THADA: variants seen among roughly 807,000 people sequenced by gnomAD.
THADA encodes the protein tRNA (32-2'-O)-methyltransferase regulator THADA.
Under a neutral mutation model 219.8 loss-of-function variants are expected in THADA, and 213 were observed. The observed-to-expected ratio is 0.97, with a 90% CI of 0.87 to 1.09. The LOEUF (loss-of-function observed/expected upper bound fraction) is 1.09. THADA is among the 50% of genes least tolerant of loss of function. THADA has a pLI of 0.00. For synonymous variants in THADA, 1,018 were observed against 828.9 expected, an observed-to-expected ratio of 1.23 and a Z score of -3.92; for missense variants, 2,956 against 2,311.3, an observed-to-expected ratio of 1.28 and a Z score of -5.72.
chr2:43,347,450 T>G (rs1319053715), intron 29 of THADA, among the ~76,000 whole-genome samples: 1 of 152,242 alleles, frequency 6.6e-6, no homozygotes, highest in South Asian at 2.1e-4. Flanking sequence ...CTTGCCAGAA[T>G]CGAGGGAAGG....
chr2:43,308,289 TA>T (rs915446294), intron 31 of THADA, among the ~76,000 whole-genome samples: 7 of 150,754 alleles, frequency 4.6e-5, no homozygotes, highest in African/African-American at 1.2e-4. Flanking sequence ...TAAAACAGAT[TA>T]AAAAAAAAGA....
chr2:43,352,176 C>T (rs1653061657), intron 29 of THADA, among the ~76,000 whole-genome samples: 1 of 152,072 alleles, frequency 6.6e-6, no homozygotes. Context: ...ATTTATCTTG[C>T]TTATATATCT....
chr2:43,400,771 C>T (rs1674735599), intron 28 of THADA, among the ~76,000 whole-genome samples: 1 of 152,186 alleles, frequency 6.6e-6, no homozygotes. Flanking sequence ...CAAGTTTTTA[C>T]AGTGCACTGT....
chr2:43,272,087 T>C (rs953868338), intron 36 of THADA, among the ~76,000 whole-genome samples: 3 of 152,018 alleles, frequency 2.0e-5, no homozygotes, highest in Non-Finnish European at 4.4e-5. Context: ...TGGAATGATA[T>C]GAAGGAGTCA....
At chr2:43,437,769 T>C (rs72881035) in intron 26 of THADA, among the ~76,000 whole-genome samples, 3,979 of 152,258 alleles carry the variant, frequency 0.026, 62 homozygotes, top group African/African-American at 0.049. Context: ...TTGGAAGATA[T>C]AGTGTCTCCC....
chr2:43,280,501 G>A (rs1458202286), intron 35 of THADA, among the ~76,000 whole-genome samples: 1 of 152,026 alleles, frequency 6.6e-6, no homozygotes, highest in African/African-American at 2.4e-5. Context: ...GCGTGGTGAC[G>A]GGCGCCTGTA....
chr2:43,296,130 G>A lies in THADA; in HGVS notation c.4439-2917C>T, dbSNP rs570562813. On this transcript the variant is annotated intron_variant, in intron 31 of 37. Coordinates refer to ENST00000405975, the MANE Select transcript of THADA (RefSeq NM_022065.5). ...AGACAGGGTTTTGCCATGCTGGACA[G>A]GCTGGTTTCGAACTCCTGACCTCGT... 2.0e-5 allele frequency among the ~76,000 whole-genome samples: 3 copies of A among 152,066 alleles called. No individual in the cohort carries two copies. In the South Asian group the frequency reaches 6.2e-4, roughly 32 times the overall value.
rs183000379 is a variant in THADA, at chr2:43,538,207, T to C, written c.3264+2952A>G. Reference sequence around the variant, plus strand: ...GCCCATGAAAAGAGAACCAACAAAATATAACAAGCAAAAGCTCTACATCAG... The same window carrying C: ...GCCCATGAAAAGAGAACCAACAAAACATAACAAGCAAAAGCTCTACATCAG... On this transcript the variant is annotated intron_variant, in intron 21 of 37. Transcript: ENST00000405975. 3.6e-3 allele frequency among the ~76,000 whole-genome samples: 551 copies of C among 152,208 alleles called. 2 individuals are homozygous for C. The highest frequency in any genetic ancestry group is 0.013 in the African/African-American group (523 of 41,512).
chr2:43,433,267 C>T (rs1679612127), intron 26 of THADA, among the ~76,000 whole-genome samples: 1 of 151,790 alleles, frequency 6.6e-6, no homozygotes, highest in Admixed American at 6.6e-5. Flanking sequence ...TGGTGGCTCA[C>T]ACCTGTAATC....
intron 36 of THADA, among the ~76,000 whole-genome samples, chr2:43,265,555 C>T (rs1210152413): frequency 6.6e-6 from 1 of 152,136 alleles, no homozygotes; most frequent in Non-Finnish European, 1.5e-5. Context: ...TCCTGTATCC[C>T]CCACGGAGTT....
At chr2:43,441,708 T>C (rs545950730) in intron 26 of THADA, among the ~76,000 whole-genome samples, 45 of 152,308 alleles carry the variant, frequency 3.0e-4, no homozygotes, top group African/African-American at 9.6e-4. Context: ...AAGAATTTCA[T>C]AGGTTTTGGA....
intron 36 of THADA, among the ~76,000 whole-genome samples, chr2:43,244,956 C>T (rs527982694): frequency 6.6e-6 from 1 of 152,298 alleles, no homozygotes; most frequent in Admixed American, 6.5e-5. Context: ...GAGCCAGTGA[C>T]GGAGGCTTCC....
chr2:43,446,582 C>T (rs1681586236), intron 26 of THADA, among the ~76,000 whole-genome samples: 1 of 152,212 alleles, frequency 6.6e-6, no homozygotes, highest in African/African-American at 2.4e-5. Flanking sequence ...CCTGAGTGAT[C>T]CCAGATGACA....
chr2:43,261,772 G>A (rs146502495), intron 36 of THADA, among the ~76,000 whole-genome samples: 6 of 151,952 alleles, frequency 3.9e-5, no homozygotes, highest in Non-Finnish European at 7.4e-5. Context: ...ACGTAGCTGA[G>A]ATTACAGGCG....
chr2:43,484,894 A>G (rs944954897), intron 26 of THADA, among the ~76,000 whole-genome samples: 1 of 151,860 alleles, frequency 6.6e-6, no homozygotes, highest in African/African-American at 2.4e-5. Flanking sequence ...GATAATATAT[A>G]CAAGTAAAGT....
intron 36 of THADA, among the ~76,000 whole-genome samples, chr2:43,243,750 T>A (rs1308987759): frequency 6.6e-6 from 1 of 152,222 alleles, no homozygotes; most frequent in African/African-American, 2.4e-5. Flanking sequence ...TCATTTGAAA[T>A]TTTAAAACTA....
At position 43,573,007 on chromosome 2, in the gene THADA, A is replaced by C; in HGVS notation, c.1730-15T>G. On this transcript the variant is annotated splice_polypyrimidine_tract_variant and intron_variant, in intron 11 of 37. Transcript: ENST00000405975. ...TTGCTCTTGTCCTGAAAGCACAATA[A>C]CAAAGACCATTACTGTATTATGCAA... 1 of 1,610,888 alleles carries C rather than the reference A, an allele frequency of 6.2e-7. No individual in the cohort carries two copies. The highest frequency in any genetic ancestry group is 1.1e-5 in the South Asian group (1 of 90,648).
At position 43,570,417 on chromosome 2, in the gene THADA, G is replaced by C; in HGVS notation, c.2158C>G (p.His720Asp). 6.2e-7 allele frequency: 1 copy of C among 1,613,286 alleles called. No individual in the cohort carries two copies. Among genetic ancestry groups the C allele is most frequent in the Non-Finnish European group, 8.5e-7 (1 of 1,179,570 alleles). ...REPENELTKQ[H>D]PSVSLQQYKN... ...TACTGCTGTAAAGAAACAGAAGGGT[G>C]CTGTTTGGTTAACTCATTCTCTGGT... is the stretch of plus-strand genomic sequence containing the variant. The change falls in exon 14 of 38, where the codon CAC becomes GAC. Residue 720 changes from histidine to aspartate, a missense_variant. Transcript: ENST00000405975.
Position 43,571,865 on chromosome 2 carries a change from A to T in THADA, c.1909-3T>A. 1 of 1,609,952 alleles carries T rather than the reference A, an allele frequency of 6.2e-7. No individual in the cohort carries two copies. The stretch of plus-strand genomic sequence containing the variant: ...AAGCCTAATGTATCTATCCTTACCT[A>T]AAAAACATCAAGCAATAAAATGTTA... On this transcript the variant is annotated splice_polypyrimidine_tract_variant and splice_region_variant and intron_variant, in intron 12 of 37. Transcript: ENST00000405975.
Sources: gnomAD v4.1 joint callset for allele counts (sites outside exome capture counted in the v4.1 genomes callset) on GRCh38, gnomAD v4.1.1 for gene constraint, MANE v1.5 for transcripts, NCBI Gene and HGNC (gene_info 2026-07-23, HGNC 2026-07-21) for gene names.